Variants in DCHS2 observed in about 807,000 individuals in gnomAD.
DCHS2 encodes the protein protocadherin-23.
In DCHS2, 142 loss-of-function variants were observed where a neutral mutation model predicts 182.4. That is an observed-to-expected ratio of 0.78 (90% CI 0.68 to 0.89). DCHS2 has a LOEUF of 0.89. Among genes scored for constraint, DCHS2 ranks in the 40% least tolerant of loss-of-function variants. DCHS2 has a pLI of 0.00. For synonymous variants in DCHS2, 1,740 were observed against 1,663.3 expected, an observed-to-expected ratio of 1.05 and a Z score of -1.12; for missense variants, 4,319 against 4,198.6, an observed-to-expected ratio of 1.03 and a Z score of -0.79.
chr4:154,421,320 C>A (rs1466197726), intron 1 of DCHS2, among the ~76,000 whole-genome samples: 2 of 152,106 alleles, frequency 1.3e-5, no homozygotes, highest in African/African-American at 4.8e-5. Flanking sequence ...ATTAAAGAAT[C>A]ACTCCTTTGC....
chr4:154,378,640 G>A (rs1055922279), intron 1 of DCHS2, among the ~76,000 whole-genome samples: 1 of 152,082 alleles, frequency 6.6e-6, no homozygotes, highest in African/African-American at 2.4e-5. Context: ...CAACCTATAG[G>A]TACTAACGTT....
chr4:154,472,890 G>A (rs1038475566), intron 1 of DCHS2, among the ~76,000 whole-genome samples: 7 of 152,088 alleles, frequency 4.6e-5, no homozygotes, highest in African/African-American at 1.7e-4. Flanking sequence ...ATTTCAGTTA[G>A]AAACCAAATT....
chr4:154,298,565 T>C lies in DCHS2; in HGVS notation c.5749A>G (p.Ile1917Val), dbSNP rs768677663. Residue 1917 changes from isoleucine to valine, a missense_variant, in exon 13 of 20, where the codon ATA (isoleucine) becomes GTA (valine). Physicochemically the swap from Ile to Val is conservative, Grantham distance 29 (BLOSUM62 3). Transcript: ENST00000357232. The part of the protein sequence containing the change: ...DLGDPPRSSV[I>V]HLQVRVLDAN... ...TCCAAAACTCTAACTTGCAGGTGTA[T>C]TACAGAGCTCCTAGGTGGATCTCCC... 2 of 1,614,054 alleles carry C rather than the reference T, an allele frequency of 1.2e-6. No homozygotes were observed. The highest frequency in any genetic ancestry group is 1.1e-5 in the South Asian group (1 of 91,082).
At chr4:154,360,436 G>A (rs1458397114) in intron 3 of DCHS2, among the ~76,000 whole-genome samples, 2 of 152,006 alleles carry the variant, frequency 1.3e-5, no homozygotes, top group East Asian at 1.9e-4. Context: ...ACATGCTTTT[G>A]TTTCCTATGA....
At chr4:154,385,226 A>T (rs1268209904) in intron 1 of DCHS2, among the ~76,000 whole-genome samples, 1 of 152,014 alleles carries the variant, frequency 6.6e-6, no homozygotes, top group Non-Finnish European at 1.5e-5. Flanking sequence ...TTCCAGCTTC[A>T]TCCATGTCCT....
chr4:154,294,436 T>A (rs912320368), intron 13 of DCHS2, among the ~76,000 whole-genome samples: 5 of 152,170 alleles, frequency 3.3e-5, no homozygotes, highest in Admixed American at 2.6e-4. Flanking sequence ...TTAGTTGATT[T>A]CTTGATGCTT....
At chr4:154,263,781 A>C (rs1033343334) in intron 14 of DCHS2, among the ~76,000 whole-genome samples, 2 of 152,054 alleles carry the variant, frequency 1.3e-5, no homozygotes, top group Non-Finnish European at 2.9e-5. Flanking sequence ...TGTAGATATT[A>C]AAGAACAAAC....
At chr4:154,442,609 T>C (rs2110959376) in intron 1 of DCHS2, among the ~76,000 whole-genome samples, 1 of 141,404 alleles carries the variant, frequency 7.1e-6, no homozygotes, top group African/African-American at 2.6e-5. Flanking sequence ...AGCTGTTATT[T>C]TTCCCCCACA....
chr4:154,428,988 A>G (rs1434806157), intron 1 of DCHS2, among the ~76,000 whole-genome samples: 1 of 151,456 alleles, frequency 6.6e-6, no homozygotes, highest in African/African-American at 2.4e-5. Context: ...TAAAAAAAAA[A>G]GGAGATGAAT....
chr4:154,265,040 G>A lies in DCHS2; in HGVS notation c.6577+4860C>T, dbSNP rs145171184. Among the ~76,000 whole-genome samples, 40 of 152,218 alleles carry A rather than the reference G, an allele frequency of 2.6e-4. No homozygotes were observed. In the East Asian group the frequency reaches 3.5e-3, roughly 13 times the overall value. On this transcript the variant is annotated intron_variant, in intron 14 of 19. Transcript: ENST00000357232. Reference sequence around the variant, plus strand: ...TGTTAAAGTAACGAGGCTAGCCACCGAAATAAGAAAAATAACTATATAACT... The same window carrying A: ...TGTTAAAGTAACGAGGCTAGCCACCAAAATAAGAAAAATAACTATATAACT...
intron 3 of DCHS2, among the ~76,000 whole-genome samples, chr4:154,338,981 A>T (rs546211407): frequency 1.1e-4 from 16 of 152,330 alleles, no homozygotes; most frequent in African/African-American, 3.1e-4. Flanking sequence ...ACATATAGAG[A>T]TAGATAGATA....
rs72440696 is a variant in DCHS2 at position 154,389,516 on chromosome 4, T to TTATATA, written c.2053-12078_2053-12073dup. On this transcript the variant is annotated intron_variant, in intron 1 of 19. Coordinates refer to ENST00000357232, the MANE Select transcript of DCHS2 (RefSeq NM_001358235.2). ...TATGTTCTATTCCTAAAGACAAAGG[T>TTATATA]TATATATATATATATATATAACCTT... Among the ~76,000 whole-genome samples, 106 of 111,190 alleles carry TTATATA rather than the reference T, an allele frequency of 9.5e-4. 5 individuals carry two copies. Among genetic ancestry groups the TTATATA allele is most frequent in the Admixed American group, 5.6e-3 (65 of 11,510 alleles). The allele number at this position is 111,190 out of a possible 152,430, so 72.9% of individuals were successfully genotyped here. A position where few individuals can be genotyped will look rare whatever the true frequency, so the allele number is the denominator to read the frequency against.
At chr4:154,412,516 G>T (rs1178255022) in intron 1 of DCHS2, among the ~76,000 whole-genome samples, 2 of 152,020 alleles carry the variant, frequency 1.3e-5, no homozygotes, top group Non-Finnish European at 2.9e-5. Flanking sequence ...GTCCCTCACC[G>T]AGAAAATGTT....
intron 1 of DCHS2, among the ~76,000 whole-genome samples, chr4:154,467,385 A>G (rs192452971): frequency 6.7e-4 from 102 of 152,302 alleles, no homozygotes; most frequent in African/African-American, 2.3e-3. Context: ...TATTAGCAAA[A>G]TAAGGTATAT....
rs148765169 is a variant in DCHS2 at position 154,394,375 on chromosome 4, C to T, written c.2053-16931G>A. On this transcript the variant is annotated intron_variant, in intron 1 of 19. Coordinates refer to ENST00000357232, the MANE Select transcript of DCHS2 (RefSeq NM_001358235.2). ...CCTCAGGAGTCAGACAGGTTTTGGA[C>T]TCTGGTTTTCCCTCTTAGCAGCTAT... Among the ~76,000 whole-genome samples the T allele has an allele frequency of 2.0e-3, 298 of 152,316 alleles. 1 individual carries two copies. Among genetic ancestry groups the T allele is most frequent in the African/African-American group, 6.9e-3 (287 of 41,580 alleles).
chr4:154,332,639 G>T lies in DCHS2; in HGVS notation c.3569C>A (p.Thr1190Asn). The change falls in exon 5 of 20, where the codon ACC (threonine) becomes AAC (asparagine). Residue 1190 changes from threonine (T) to asparagine (N), a missense_variant. By Grantham distance (65) the Thr-to-Asn change is moderately conservative. Transcript: ENST00000357232. The part of the protein sequence containing the change: ...RVWDENDNSP[T>N]FLHDVLFLKV... ...CAAAAACAACACATCATGCAAGAAG[G>T]TGGGGGAATTGTCATTCTCATCCCA... 6.2e-7 allele frequency: 1 copy of T among 1,614,246 alleles called. No homozygotes were observed. The highest frequency in any genetic ancestry group is 8.5e-7 in the Non-Finnish European group (1 of 1,180,048).
chr4:154,305,385 T>G (rs1445616986), intron 10 of DCHS2, among the ~76,000 whole-genome samples, 154 bp from the exon 11 acceptor site: 1 of 152,230 alleles, frequency 6.6e-6, no homozygotes, highest in African/African-American at 2.4e-5. Context: ...AAACCTCTTT[T>G]GGCTGTTCTT....
chr4:154,400,805 C>T (rs1732141083), intron 1 of DCHS2, among the ~76,000 whole-genome samples: 1 of 152,178 alleles, frequency 6.6e-6, no homozygotes, highest in South Asian at 2.1e-4. Context: ...ACCCTGTCCC[C>T]ACCAGTTTGC....
intron 1 of DCHS2, among the ~76,000 whole-genome samples, chr4:154,420,097 A>C (rs2110912676): frequency 6.6e-6 from 1 of 152,262 alleles, no homozygotes; most frequent in East Asian, 1.9e-4. Flanking sequence ...GCTTAAAATA[A>C]CAGCCATGGG....
Sources: gnomAD v4.1 joint callset for allele counts (sites outside exome capture counted in the v4.1 genomes callset) on GRCh38, gnomAD v4.1.1 for gene constraint, MANE v1.5 for transcripts, NCBI Gene and HGNC (gene_info 2026-07-23, HGNC 2026-07-21) for gene names.